DGKB: variants seen among roughly 807,000 people sequenced by gnomAD.
DGKB encodes the protein diacylglycerol kinase beta.
In DGKB, 67 loss-of-function variants were observed where a neutral mutation model predicts 114.3. That is an observed-to-expected ratio of 0.59 (90% confidence interval 0.48 to 0.72). DGKB has a LOEUF of 0.72. Among genes scored for constraint, DGKB ranks in the 30% least tolerant of loss-of-function variants. DGKB has a pLI of 0.00. For synonymous variants in DGKB, 398 were observed against 323.1 expected (o/e 1.23, Z -2.49); for missense variants, 907 against 975.2 (o/e 0.93, Z 0.93).
At chr7:14,271,406 T>C (rs890228685) in intron 23 of DGKB, among the ~76,000 whole-genome samples, 1 of 152,190 alleles carries the variant, frequency 6.6e-6, no homozygotes, top group African/African-American at 2.4e-5. Flanking sequence ...TGTGATTCTA[T>C]TGAGCCTGAG....
rs546779685 is a variant in DGKB at position 14,786,708 on chromosome 7, A to G, written c.71-28977T>C. On this transcript the variant is annotated intron_variant, in intron 2 of 25. Transcript: ENST00000402815. ...GCTGAGCCTGTGTCACAACCTGGCC[A>G]GATGTGCATGCACTTGGGGTGACAC... Among the ~76,000 whole-genome samples the G allele has an allele frequency of 4.6e-3, 699 of 152,356 alleles. 8 individuals are homozygous for G. Among genetic ancestry groups the G allele is most frequent in the African/African-American group, 0.016 (656 of 41,592 alleles).
intron 21 of DGKB, among the ~76,000 whole-genome samples, chr7:14,403,797 T>G (rs1053447022): frequency 1.3e-5 from 2 of 151,954 alleles, no homozygotes; most frequent in African/African-American, 4.8e-5. Context: ...TTGAAACCAC[T>G]AAACCCTACA....
chr7:14,950,085 A>G (rs1353483806), intron 1 of DGKB, among the ~76,000 whole-genome samples: 3 of 150,078 alleles, frequency 2.0e-5, no homozygotes, highest in East Asian at 2.1e-4. Flanking sequence ...CATGTACCCT[A>G]GAACTTAAAA....
At chr7:14,524,515 G>A (rs1252207892) in intron 20 of DGKB, among the ~76,000 whole-genome samples, 1 of 152,110 alleles carries the variant, frequency 6.6e-6, no homozygotes, top group Non-Finnish European at 1.5e-5. Flanking sequence ...CAGGACTTTG[G>A]GAGGCCAAGG....
intron 23 of DGKB, among the ~76,000 whole-genome samples, chr7:14,247,714 A>T (rs1048495945): frequency 2.6e-5 from 4 of 151,626 alleles, no homozygotes; most frequent in Non-Finnish European, 5.9e-5. Context: ...CTTGCTACTT[A>T]GTTGTTAGGT....
chr7:14,499,753 G>A (rs1563331841), intron 20 of DGKB, among the ~76,000 whole-genome samples: 2 of 151,830 alleles, frequency 1.3e-5, no homozygotes, highest in Non-Finnish European at 2.9e-5. Context: ...ATATCAAGTA[G>A]TGGAGAAATC....
intron 21 of DGKB, among the ~76,000 whole-genome samples, chr7:14,363,219 G>A (rs1816064579): frequency 6.6e-6 from 1 of 152,130 alleles, no homozygotes; most frequent in African/African-American, 2.4e-5. Context: ...CTAAGTGTTA[G>A]TCTGGTGTGC....
chr7:14,904,824 T>C (rs1164646460), upstream of DGKB, among the ~76,000 whole-genome samples: 1 of 152,054 alleles, frequency 6.6e-6, no homozygotes, highest in Non-Finnish European at 1.5e-5. Flanking sequence ...GTCTGAAGAG[T>C]ACCTTTTTTA....
chr7:14,487,754 T>A (rs1452081010), intron 20 of DGKB, among the ~76,000 whole-genome samples: 1 of 151,394 alleles, frequency 6.6e-6, no homozygotes, highest in Non-Finnish European at 1.5e-5. Context: ...AGGCATTAGC[T>A]ATCATGCCTG....
chr7:14,181,774 T>A lies in DGKB; in HGVS notation c.2123-3623A>T, dbSNP rs139617303. Among the ~76,000 whole-genome samples the A allele has an allele frequency of 3.4e-3, 519 of 152,348 alleles. 2 individuals carry two copies. Among genetic ancestry groups the A allele is most frequent in the African/African-American group, 0.012 (500 of 41,588 alleles). ...AAGACGTTGCTTTTGTTCAGTTTAA[T>A]GTTATAAAGTATACTTTTGAAGGAA... On this transcript the variant is annotated intron_variant, in intron 23 of 25. Transcript: ENST00000402815.
intron 21 of DGKB, among the ~76,000 whole-genome samples, chr7:14,365,823 C>T (rs1816580739): frequency 6.6e-6 from 1 of 151,952 alleles, no homozygotes; most frequent in Non-Finnish European, 1.5e-5. Context: ...TTGCTAGAGC[C>T]AATTAGTCTG....
intron 13 of DGKB, among the ~76,000 whole-genome samples, chr7:14,662,758 A>AC (rs202096154): frequency 1.1e-4 from 17 of 151,330 alleles, no homozygotes; most frequent in African/African-American, 3.6e-4. Flanking sequence ...TGAAAAAAAA[A>AC]CCTAAAAATC....
At chr7:14,757,237 G>T (rs752598463) in intron 3 of DGKB, among the ~76,000 whole-genome samples, 7 of 151,962 alleles carry the variant, frequency 4.6e-5, no homozygotes, top group African/African-American at 1.4e-4. Context: ...ATTGAAATTC[G>T]TGGGTCATAG....
chr7:14,722,908 T>C (rs1441332414), intron 5 of DGKB, among the ~76,000 whole-genome samples: 3 of 152,068 alleles, frequency 2.0e-5, no homozygotes, highest in Non-Finnish European at 4.4e-5. Context: ...TAAATGTTTC[T>C]TTATATTATA....
chr7:14,709,238 G>A (rs1177087340), intron 6 of DGKB, among the ~76,000 whole-genome samples: 1 of 151,946 alleles, frequency 6.6e-6, no homozygotes. Flanking sequence ...CTGGCCATCA[G>A]AGAAATGCAA....
rs979814614 is a variant in DGKB at position 14,188,529 on chromosome 7, G to A, written c.2123-10378C>T. On this transcript the variant is annotated intron_variant, in intron 23 of 25. Coordinates refer to ENST00000402815, the MANE Select transcript of DGKB (RefSeq NM_001350709.2). ...CAAAAAATTAGCCGGGCGTGGTGGC[G>A]GGCGCCTGTAGTCCCAGCTACTTGG... 3.0e-4 allele frequency among the ~76,000 whole-genome samples: 44 copies of A among 144,314 alleles called. 6 individuals are homozygous for A. The highest frequency in any genetic ancestry group is 1.8e-3 in the Admixed American group (24 of 13,604). The allele number at this position is 144,314 out of a possible 152,430, so 94.7% of individuals were successfully genotyped here.
intron 17 of DGKB, among the ~76,000 whole-genome samples, chr7:14,590,263 T>G (rs1014284935): frequency 6.6e-6 from 1 of 152,136 alleles, no homozygotes; most frequent in African/African-American, 2.4e-5. Context: ...TTAAGTCAGC[T>G]TTTTTCCAGC....
intron 13 of DGKB, among the ~76,000 whole-genome samples, chr7:14,656,328 T>G (rs1289669757): frequency 6.6e-6 from 1 of 151,666 alleles, no homozygotes; most frequent in Admixed American, 6.6e-5. Context: ...TATAGACACC[T>G]ATGATCTGAA....
intron 1 of DGKB, among the ~76,000 whole-genome samples, chr7:14,961,202 A>G (rs766838521): frequency 3.9e-5 from 6 of 151,928 alleles, no homozygotes; most frequent in Non-Finnish European, 8.8e-5. Context: ...TTTGCATTTT[A>G]TTGTATTTGT....
Sources: gnomAD v4.1 joint callset for allele counts (sites outside exome capture counted in the v4.1 genomes callset) on GRCh38, gnomAD v4.1.1 for gene constraint, MANE v1.5 for transcripts, NCBI Gene and HGNC (gene_info 2026-07-23, HGNC 2026-07-21) for gene names.